The following ZBTB17 variants were observed in gnomAD, a reference collection of about 807,000 sequenced individuals.
The protein encoded by ZBTB17 is zinc finger and BTB domain-containing protein 17.
In ZBTB17, 24 loss-of-function variants were observed where a neutral mutation model predicts 85.1. That is an observed-to-expected ratio of 0.28 (90% CI 0.20 to 0.40). The LOEUF is 0.40. ZBTB17 is among the 10% of genes least tolerant of loss of function. The pLI, the probability that ZBTB17 is intolerant of heterozygous loss-of-function variation, is 1.00. For missense variants in ZBTB17, 743 were observed against 1,105.1 expected (o/e 0.67, Z 4.65); for synonymous variants, 464 against 460.2 (o/e 1.01, Z -0.11).
intron 1 of ZBTB17, among the ~76,000 whole-genome samples, chr1:15,974,732 G>T (rs2072801174): frequency 6.6e-6 from 1 of 152,012 alleles, no homozygotes; most frequent in African/African-American, 2.4e-5. Flanking sequence ...GCGCAAGCAC[G>T]ACCGGCTAAT....
intron 12 of ZBTB17, 83 bp downstream of exon 12, chr1:15,943,316 T>A: frequency 6.3e-7 from 1 of 1,587,288 alleles, no homozygotes; most frequent in South Asian, 1.1e-5. Context: ...GTCAGCTCAG[T>A]CCCCAGCCAA....
chr1:15,949,822 T>TC (rs1043691225), intron 2 of ZBTB17, among the ~76,000 whole-genome samples: 1 of 152,144 alleles, frequency 6.6e-6, no homozygotes, highest in Non-Finnish European at 1.5e-5. Flanking sequence ...CGCCAAGGCC[T>TC]CCCACCACGT....
At chr1:15,956,206 A>G (rs2072038974) in intron 2 of ZBTB17, among the ~76,000 whole-genome samples, 1 of 152,232 alleles carries the variant, frequency 6.6e-6, no homozygotes, top group Non-Finnish European at 1.5e-5. Context: ...GTGTCAAGCA[A>G]TGGCACTGAC....
Position 15,942,160 on chromosome 1 carries a change from C to T in ZBTB17, c.2221G>A (p.Ala741Thr), listed in dbSNP as rs757508880. 8.1e-6 allele frequency: 13 copies of T among 1,613,566 alleles called. No homozygotes were observed. Among genetic ancestry groups the T allele is most frequent in the African/African-American group, 1.3e-5 (1 of 74,950 alleles). Residue 741 changes from alanine (A) to threonine (T), a missense_variant, in exon 16 of 16, where the codon GCC becomes ACC. Physicochemically the swap from Ala to Thr is moderately conservative, Grantham distance 58 (BLOSUM62 0). This residue lies in a region of ZBTB17 where 321 missense variants were observed against 615.7 expected (regional missense o/e 0.52). Coordinates refer to ENST00000375743, the MANE Select transcript of ZBTB17 (RefSeq NM_003443.3). Reference sequence around the variant, plus strand: ...GTCTGGAACATGACCAGTGCCTGGGCTGTGTGGATTCGCACATGCTGAGCC... The same window carrying T: ...GTCTGGAACATGACCAGTGCCTGGGTTGTGTGGATTCGCACATGCTGAGCC... ...SLAQHVRIHT[A>T]QALVMFQTDA...
chr1:15,972,652 A>C (rs1165697157), intron 2 of ZBTB17, among the ~76,000 whole-genome samples: 3 of 152,224 alleles, frequency 2.0e-5, no homozygotes, highest in African/African-American at 7.2e-5. Context: ...ATGGAAGCCT[A>C]AGTTTGAGCA....
At position 15,964,071 on chromosome 1, in the gene ZBTB17, G is replaced by T. The variant is rs558247336; in HGVS notation, c.-3+8968C>A. Among the ~76,000 whole-genome samples the T allele has an allele frequency of 1.3e-5, 2 of 150,972 alleles. No individual in the cohort carries two copies. Among genetic ancestry groups the T allele is most frequent in the Admixed American group, 1.3e-4 (2 of 15,108 alleles). On this transcript the variant is annotated intron_variant, in intron 2 of 15. Transcript: ENST00000375743. This position sits in a 1 kb window ranked among gnomAD's most constrained non-coding sequence, Gnocchi z 4.3. ...GAAGGTCCAGGCTGCAGTAAGCTGC[G>T]ATTGTGCCACGGCACTCCAGCCTGG...
At chr1:15,958,854 G>T (rs1476063008) in intron 2 of ZBTB17, among the ~76,000 whole-genome samples, 1 of 152,218 alleles carries the variant, frequency 6.6e-6, no homozygotes, top group Non-Finnish European at 1.5e-5. Context: ...ACAGGAGGGA[G>T]GGGACAAAGT....
At position 15,956,519 on chromosome 1, in the gene ZBTB17, A is replaced by G. The variant is rs189842826; in HGVS notation, c.-2-8022T>C. Reference sequence around the variant, plus strand: ...GAAAAAAGCCACTATGAAAAAGTGAATGTCCATTCCATTAATCACAAAGGC... The same window carrying G: ...GAAAAAAGCCACTATGAAAAAGTGAGTGTCCATTCCATTAATCACAAAGGC... On this transcript the variant is annotated intron_variant, in intron 2 of 15. Coordinates refer to ENST00000375743, the MANE Select transcript of ZBTB17 (RefSeq NM_003443.3). 4.5e-4 allele frequency among the ~76,000 whole-genome samples: 69 copies of G among 152,340 alleles called. 1 individual carries two copies. Among genetic ancestry groups the G allele is most frequent in the African/African-American group, 1.6e-3 (66 of 41,572 alleles).
At chr1:15,975,438 A>G (rs903088976) in intron 1 of ZBTB17, among the ~76,000 whole-genome samples, 3 of 152,174 alleles carry the variant, frequency 2.0e-5, no homozygotes, top group Non-Finnish European at 4.4e-5. Flanking sequence ...GTCCGCCCGC[A>G]TCACTCGCTC....
Position 15,943,389 on chromosome 1 carries a change from G to C in ZBTB17, c.1697+10C>G. 6.3e-7 allele frequency: 1 copy of C among 1,586,974 alleles called. No individual in the cohort carries two copies. Among genetic ancestry groups the C allele is most frequent in the South Asian group, 1.2e-5 (1 of 86,228 alleles). On this transcript the variant is annotated intron_variant, in intron 12 of 15. Coordinates refer to ENST00000375743, the MANE Select transcript of ZBTB17 (RefSeq NM_003443.3). The stretch of plus-strand genomic sequence containing the variant: ...TGTCTGGCCAGTGGGTGTGGGGGAG[G>C]GGGCAGGACCTCTTGCCGCAGCGCT...
Position 15,943,648 on chromosome 1 carries a change from T to G in ZBTB17, c.1527A>C (p.Arg509=). The change falls in exon 11 of 16, where the codon CGA becomes CGC. Residue 509 remains arginine (R), a synonymous_variant. Coordinates refer to ENST00000375743, the MANE Select transcript of ZBTB17 (RefSeq NM_003443.3). The part of the protein sequence containing the change: ...EKPYVCIHCQ[R]QFADPGALQR... ...GCAGAGCGCCGGGGTCTGCAAACTG[T>G]CGCTGGCAGTGGATGCACACGTAGG... 1 of 1,612,968 alleles carries G rather than the reference T, an allele frequency of 6.2e-7. No individual in the cohort carries two copies. The highest frequency in any genetic ancestry group is 1.3e-5 in the African/African-American group (1 of 74,940).
chr1:15,942,521 G>T lies in ZBTB17; in HGVS notation c.2038+8C>A. ...CTGTGACTTCCCTCTGCTGCCCACA[G>T]CCCGCACCTGTGAGCTGAGTGACGG... On this transcript the variant is annotated splice_region_variant and intron_variant, in intron 14 of 15. Coordinates refer to ENST00000375743, the MANE Select transcript of ZBTB17 (RefSeq NM_003443.3). 6.2e-7 allele frequency: 1 copy of T among 1,610,310 alleles called. No individual in the cohort carries two copies. Among genetic ancestry groups the T allele is most frequent in the South Asian group, 1.1e-5 (1 of 91,082 alleles).
At chr1:15,946,037 C>A (rs2071593378) in intron 5 of ZBTB17, 117 bp downstream of exon 5, 4 of 1,569,530 alleles carry the variant, frequency 2.5e-6, no homozygotes, top group Non-Finnish European at 2.6e-6. Flanking sequence ...CTGGGTAACA[C>A]AGGCTCAAGA....
rs2071941189 is a variant in ZBTB17, at chr1:15,953,550, C to G, written c.-2-5053G>C. 6.6e-6 allele frequency among the ~76,000 whole-genome samples: 1 copy of G among 152,234 alleles called. No homozygotes were observed. The highest frequency in any genetic ancestry group is 1.5e-5 in the Non-Finnish European group (1 of 68,046). On this transcript the variant is annotated intron_variant, in intron 2 of 15. Coordinates refer to ENST00000375743, the MANE Select transcript of ZBTB17 (RefSeq NM_003443.3). The surrounding 1 kb of genome is among the most constrained non-coding windows in gnomAD (Gnocchi z 5.1). Reference sequence around the variant, plus strand: ...CCCCAGAAAGCACAACCCATTGCATCTGTCTTGCAGTCCCAAAGCACCACA... The same window carrying G: ...CCCCAGAAAGCACAACCCATTGCATGTGTCTTGCAGTCCCAAAGCACCACA...
At chr1:15,946,579 G>A (rs1233456825) in intron 4 of ZBTB17, among the ~76,000 whole-genome samples, 1 of 152,234 alleles carries the variant, frequency 6.6e-6, no homozygotes, top group African/African-American at 2.4e-5. Context: ...CTAGGAAAGG[G>A]AGGAACGCAG....
intron 2 of ZBTB17, among the ~76,000 whole-genome samples, chr1:15,971,466 C>CACACACTATATATAT: frequency 9.2e-6 from 1 of 109,020 alleles, no homozygotes; most frequent in African/African-American, 3.4e-5. Flanking sequence ...ACTATATATA[C>CACACACTATATATAT]ACACACACTA....
intron 2 of ZBTB17, chr1:15,969,543 C>T (rs2072565378): frequency 1.4e-5 from 5 of 357,136 alleles, no homozygotes; most frequent in South Asian, 4.3e-5. Flanking sequence ...GTGGGGACTC[C>T]AGGTCCCAGA....
chr1:15,946,480 G>A (rs2071617385), intron 4 of ZBTB17, among the ~76,000 whole-genome samples, 186 bp from the exon 5 acceptor site: 1 of 152,194 alleles, frequency 6.6e-6, no homozygotes, highest in African/African-American at 2.4e-5. Flanking sequence ...CTGATGGCTG[G>A]GCACTGGGAA....
At chr1:15,967,254 T>C (rs2072475337) in intron 2 of ZBTB17, among the ~76,000 whole-genome samples, 1 of 150,408 alleles carries the variant, frequency 6.6e-6, no homozygotes, top group South Asian at 2.1e-4. Context: ...TGTGTGCTAG[T>C]AGTCCCAGCT....
Sources: allele counts gnomAD v4.1 joint callset (sites outside exome capture counted in the v4.1 genomes callset), GRCh38; gene constraint gnomAD v4.1.1; regional missense constraint gnomAD v4.1.1; non-coding constraint Gnocchi (gnomAD v3.1); transcripts MANE v1.5; gene names NCBI Gene and HGNC (gene_info 2026-07-23, HGNC 2026-07-21).